The following CRKL variants were observed in gnomAD, a reference collection of about 807,000 sequenced individuals.
CRKL encodes CRK like proto-oncogene, adaptor protein.
CRKL carries 3 observed loss-of-function variants against 23.0 expected under a neutral mutation model. The ratio of observed to expected loss-of-function variants is 0.13; its 90% CI spans 0.06 to 0.34. The LOEUF (loss-of-function observed/expected upper bound fraction) is 0.34. CRKL is among the 10% of genes least tolerant of loss of function. The pLI is 1.00. For synonymous variants in CRKL, 188 were observed against 160.7 expected (o/e 1.17, Z -1.28); for missense variants, 256 against 394.5 (o/e 0.65, Z 2.97).
chr22:20,942,126 C>G (rs1374806559), intron 2 of CRKL, among the ~76,000 whole-genome samples: 1 of 152,218 alleles, frequency 6.6e-6, no homozygotes, highest in Admixed American at 6.5e-5. Flanking sequence ...TACCTTCTGT[C>G]TATGAATTTA....
In CRKL at chr22:20,952,273, T is replaced by A. The variant is rs1922307525; in HGVS notation, c.*2428T>A. On this transcript the variant is annotated 3_prime_UTR_variant, in exon 3 of 3. Coordinates refer to ENST00000354336, the MANE Select transcript of CRKL (RefSeq NM_005207.4). ...AGCAAGGTTTCCTTTCAGCCCTGTC[T>A]ACTGACCAATACCCCGACTCACCTT... The A allele has an allele frequency of 4.3e-6, 1 of 230,192 alleles. No homozygotes were observed. Among genetic ancestry groups the A allele is most frequent in the African/African-American group, 2.2e-5 (1 of 45,160 alleles). 14.3% of individuals were successfully genotyped at this position (230,192 alleles called of 1,614,324 possible).
intron 2 of CRKL, among the ~76,000 whole-genome samples, chr22:20,936,193 A>G (rs1921654013): frequency 6.6e-6 from 1 of 152,134 alleles, no homozygotes; most frequent in Non-Finnish European, 1.5e-5. Flanking sequence ...GAGAGAGCCT[A>G]AGTGCATTTC....
intron 2 of CRKL, among the ~76,000 whole-genome samples, chr22:20,941,588 A>ATATATATATTTTTTTTTTTTTTTTT: frequency 3.0e-5 from 1 of 33,540 alleles, no homozygotes; most frequent in African/African-American, 1.2e-4. Context: ...GTATATATAT[A>ATATATATATTTTTTTTTTTTTTTTT]TTTTTTTTTT....
chr22:20,943,147 C>T (rs2147913061), intron 2 of CRKL, among the ~76,000 whole-genome samples: 1 of 152,256 alleles, frequency 6.6e-6, no homozygotes, highest in South Asian at 2.1e-4. Context: ...AGCATCTTTT[C>T]ATATTGGCTT....
chr22:20,942,495 T>C (rs1921915281), intron 2 of CRKL, among the ~76,000 whole-genome samples: 1 of 152,232 alleles, frequency 6.6e-6, no homozygotes, highest in African/African-American at 2.4e-5. Flanking sequence ...TGAGTTGTTT[T>C]CGTTATTTTG....
chr22:20,927,128 A>AAAAAAAAAAAAAAAAAAAAAG lies in CRKL; in HGVS notation c.312-6643_312-6642insAAAAAAAAAAAAGAAAAAAAA, dbSNP rs1555918902. On this transcript the variant is annotated intron_variant, in intron 1 of 2. Coordinates refer to ENST00000354336, the MANE Select transcript of CRKL (RefSeq NM_005207.4). The stretch of plus-strand genomic sequence containing the variant: ...CTCCGTCTCAAAAAAAAAAAAAAAA[A>AAAAAAAAAAAAAAAAAAAAAG]AAAAAAAAGAATGGTGGTTAAAGCA... Among the ~76,000 whole-genome samples the AAAAAAAAAAAAAAAAAAAAAG allele has an allele frequency of 5.7e-4, 72 of 125,806 alleles. 2 individuals carry two copies. Among genetic ancestry groups the AAAAAAAAAAAAAAAAAAAAAG allele is most frequent in the Admixed American group, 1.3e-3 (13 of 10,166 alleles). 82.5% of individuals were successfully genotyped at this position (125,806 alleles called of 152,430 possible).
intron 1 of CRKL, among the ~76,000 whole-genome samples, chr22:20,924,705 A>G (rs1424415955): frequency 1.3e-5 from 2 of 152,090 alleles, no homozygotes; most frequent in Non-Finnish European, 2.9e-5. Flanking sequence ...AATACAAAAA[A>G]TTAGCTGGGC....
At position 20,950,837 on chromosome 22, in the gene CRKL, A is replaced by T. The variant is rs532467614; in HGVS notation, c.*992A>T. On this transcript the variant is annotated 3_prime_UTR_variant, in exon 3 of 3. Coordinates refer to ENST00000354336, the MANE Select transcript of CRKL (RefSeq NM_005207.4). ...TAACTAAAGGAATCTGAAAAGAACA[A>T]CCCTGAAGCAGAGGCCTTTATTGTC... 2.6e-5 allele frequency: 6 copies of T among 231,104 alleles called. No individual in the cohort carries two copies. In the East Asian group the frequency reaches 3.7e-4, roughly 14 times the overall value. The allele number at this position is 231,104 out of a possible 1,614,324, so 14.3% of individuals were successfully genotyped here.
chr22:20,934,803 GA>G (rs1921588542), intron 2 of CRKL, among the ~76,000 whole-genome samples: 5 of 137,430 alleles, frequency 3.6e-5, no homozygotes, highest in African/African-American at 5.5e-5. Flanking sequence ...GTAGAGGAAT[GA>G]ATTTTTTTTT....
chr22:20,934,156 T>C lies in CRKL; in HGVS notation c.689T>C (p.Leu230Ser). ...TCTCCTGGGGCAGCAATCACCCCTTTGCCATCCACACAGAATGGACCTGTC... is the reference window on the plus strand; with the variant it reads ...TCTCCTGGGGCAGCAATCACCCCTTCGCCATCCACACAGAATGGACCTGTC... Reference protein sequence around the residue: ...SGSPGAAITPLPSTQNGPVFA... With the variant: ...SGSPGAAITPSPSTQNGPVFA... Residue 230 changes from leucine to serine, a missense_variant, in exon 2 of 3, where the codon TTG (leucine) becomes TCG (serine). Transcript: ENST00000354336. The C allele has an allele frequency of 6.2e-7, 1 of 1,614,214 alleles. No individual in the cohort carries two copies. Among genetic ancestry groups the C allele is most frequent in the South Asian group, 1.1e-5 (1 of 91,090 alleles).
At chr22:20,924,436 A>G (rs981506232) in intron 1 of CRKL, among the ~76,000 whole-genome samples, 4 of 152,244 alleles carry the variant, frequency 2.6e-5, no homozygotes, top group African/African-American at 7.2e-5. Flanking sequence ...CTAGACTTCC[A>G]TAATTTGGAA....
intron 1 of CRKL, among the ~76,000 whole-genome samples, chr22:20,919,353 T>A (rs1929804671): frequency 6.6e-6 from 1 of 152,172 alleles, no homozygotes; most frequent in African/African-American, 2.4e-5. Flanking sequence ...TAGGCTAGAA[T>A]GTTATTAAGG....
At chr22:20,927,895 C>T (rs566417962) in intron 1 of CRKL, among the ~76,000 whole-genome samples, 1 of 144,350 alleles carries the variant, frequency 6.9e-6, no homozygotes, top group African/African-American at 2.6e-5. Context: ...GGCACGTTGG[C>T]TCATGTCTGT....
intron 1 of CRKL, among the ~76,000 whole-genome samples, chr22:20,928,832 AAAAAAGG>A (rs1569133414): frequency 2.7e-5 from 4 of 150,464 alleles, no homozygotes; most frequent in South Asian, 4.5e-4. Flanking sequence ...AAAAAAAAAA[AAAAAAGG>A]AATATTACCA....
At chr22:20,942,712 C>T (rs1050964142) in intron 2 of CRKL, among the ~76,000 whole-genome samples, 1 of 152,144 alleles carries the variant, frequency 6.6e-6, no homozygotes, top group Non-Finnish European at 1.5e-5. Flanking sequence ...CCTCCATCTC[C>T]TGGGTTCAAG....
In CRKL at chr22:20,934,259, G is replaced by A. The variant is rs2147906231; in HGVS notation, c.777+15G>A. 1 of 1,586,776 alleles carries A rather than the reference G, an allele frequency of 6.3e-7. No individual in the cohort carries two copies. The highest frequency in any genetic ancestry group is 8.6e-7 in the Non-Finnish European group (1 of 1,164,990). On this transcript the variant is annotated intron_variant, in intron 2 of 2. Transcript: ENST00000354336. ...TGGCATTAGAGGTAAAATCTGTTCAGATTAGCTTTTTGGGTCCTTTGACAT... is the reference window on the plus strand; with the variant it reads ...TGGCATTAGAGGTAAAATCTGTTCAAATTAGCTTTTTGGGTCCTTTGACAT...
At position 20,953,121 on chromosome 22, in the gene CRKL, T is replaced by C. The variant is rs1922338550; in HGVS notation, c.*3276T>C. ...TTTTTGAAAAGGGATGATGTGGTTT[T>C]TTGCCAGGTGTTTATAATTAATCCT... On this transcript the variant is annotated 3_prime_UTR_variant, in exon 3 of 3. Transcript: ENST00000354336. 4.3e-6 allele frequency: 1 copy of C among 231,908 alleles called. No individual in the cohort carries two copies. The highest frequency in any genetic ancestry group is 2.2e-5 in the African/African-American group (1 of 45,222). 14.4% of individuals were successfully genotyped at this position (231,908 alleles called of 1,614,324 possible).
chr22:20,927,861 A>AAAAG (rs1569133115), intron 1 of CRKL, among the ~76,000 whole-genome samples: 1 of 148,896 alleles, frequency 6.7e-6, no homozygotes, highest in Non-Finnish European at 1.5e-5. Flanking sequence ...AAAAAAAAAA[A>AAAAG]AAAAAGGAAA....
At chr22:20,928,202 G>T (rs1921303356) in intron 1 of CRKL, among the ~76,000 whole-genome samples, 1 of 151,392 alleles carries the variant, frequency 6.6e-6, no homozygotes, top group African/African-American at 2.4e-5. Flanking sequence ...TGCACCTGTA[G>T]TCCCAAATAG....
Sources: allele counts gnomAD v4.1 joint callset (sites outside exome capture counted in the v4.1 genomes callset), GRCh38; gene constraint gnomAD v4.1.1; transcripts MANE v1.5; gene names NCBI Gene and HGNC (gene_info 2026-07-23, HGNC 2026-07-21).